Variants in NSUN3 observed in about 807,000 individuals in gnomAD.
The protein encoded by NSUN3 is NOP2/Sun RNA methyltransferase 3.
In NSUN3, 24 loss-of-function variants were observed where a neutral mutation model predicts 36.8. The observed-to-expected ratio is 0.65, with a 90% CI of 0.47 to 0.92. The LOEUF (loss-of-function observed/expected upper bound fraction) is 0.92. NSUN3 is among the 40% of genes least tolerant of loss of function. The pLI is 0.00. For synonymous variants in NSUN3, 146 were observed against 145.2 expected, an observed-to-expected ratio of 1.01 and a Z score of -0.04; for missense variants, 381 against 392.8, an observed-to-expected ratio of 0.97 and a Z score of 0.25.
chr3:94,081,774 T>C (rs1422668399), intron 2 of NSUN3: 3 of 152,168 alleles, frequency 2.0e-5, no homozygotes, highest in Non-Finnish European at 4.4e-5. Context: ...GAGAAACATA[T>C]TGTGATCAGG....
intron 2 of NSUN3, among the ~76,000 whole-genome samples, chr3:94,070,385 C>T (rs1344415940): frequency 1.3e-5 from 2 of 152,040 alleles, no homozygotes; most frequent in Non-Finnish European, 2.9e-5. Context: ...CGCTTGAGTC[C>T]AGGAGGTCGA....
intron 3 of NSUN3, chr3:94,085,278 A>T (rs1560032715): frequency 6.6e-6 from 1 of 152,190 alleles, no homozygotes; most frequent in Non-Finnish European, 1.5e-5. Context: ...TATTTACAAA[A>T]TTTACAATTT....
chr3:94,085,074 T>C (rs2077286232), intron 3 of NSUN3: 1 of 152,308 alleles, frequency 6.6e-6, no homozygotes, highest in African/African-American at 2.4e-5. Context: ...ACGTTACAGT[T>C]ACATCACATT....
intron 2 of NSUN3, chr3:94,081,499 C>T (rs2077269033): frequency 6.6e-6 from 1 of 152,180 alleles, no homozygotes; most frequent in Non-Finnish European, 1.5e-5. Flanking sequence ...CTGCCATGAT[C>T]CACATCAGAC....
intron 2 of NSUN3, chr3:94,076,331 A>G (rs769247720): frequency 9.5e-6 from 8 of 841,142 alleles, no homozygotes; most frequent in African/African-American, 8.3e-5. Flanking sequence ...TGAACTCACT[A>G]TAAGGATTGA....
chr3:94,068,197 T>C (rs1341952468), intron 2 of NSUN3, among the ~76,000 whole-genome samples: 1 of 152,174 alleles, frequency 6.6e-6, no homozygotes, highest in East Asian at 1.9e-4. Context: ...ATAAAATGAA[T>C]TTGTGTATAT....
At chr3:94,074,847 T>C (rs1386765478) in intron 2 of NSUN3, among the ~76,000 whole-genome samples, 4 of 152,300 alleles carry the variant, frequency 2.6e-5, no homozygotes, top group African/African-American at 4.8e-5. Context: ...CTGTGTTGAA[T>C]AGGAGTAGTG....
At chr3:94,122,165 A>C (rs971484486) in intron 5 of NSUN3, among the ~76,000 whole-genome samples, 8 of 151,978 alleles carry the variant, frequency 5.3e-5, no homozygotes, top group Non-Finnish European at 1.2e-4. Context: ...AAAAAAAAAA[A>C]AAAAAACAAT....
chr3:94,129,685 T>C lies in NSUN3; in HGVS notation c.*3195T>C, dbSNP rs1235142220. 1.3e-5 allele frequency among the ~76,000 whole-genome samples: 2 copies of C among 151,504 alleles called. No homozygotes were observed. The highest frequency in any genetic ancestry group is 2.9e-5 in the Non-Finnish European group (2 of 67,900). The stretch of plus-strand genomic sequence containing the variant: ...TTAATGAGAAGATAAACCATAATTA[T>C]AATGAAATAGGTAATATTGAGCATT... On this transcript the variant is annotated 3_prime_UTR_variant, in exon 6 of 6. Transcript: ENST00000314622.
chr3:94,070,581 C>T (rs1044926259), intron 2 of NSUN3, among the ~76,000 whole-genome samples: 5 of 152,328 alleles, frequency 3.3e-5, no homozygotes, highest in South Asian at 2.1e-4. Context: ...TCAGTTTTCA[C>T]ATCCTCAACT....
rs777278137 is a variant in NSUN3, at chr3:94,100,769, G to T, written c.743+5615G>T. Among the ~76,000 whole-genome samples, 91 of 151,962 alleles carry T rather than the reference G, an allele frequency of 6.0e-4. 1 individual carries two copies. Among genetic ancestry groups the T allele is most frequent in the Non-Finnish European group, 1.9e-4 (13 of 67,982 alleles). On this transcript the variant is annotated intron_variant, in intron 5 of 5. Coordinates refer to ENST00000314622, the MANE Select transcript of NSUN3 (RefSeq NM_022072.5). Reference sequence around the variant, plus strand: ...TTATTATTTTTCAGTTTTTAAAAAGGTATTTATGCCCTTTATGACTGCGTG... The same window carrying T: ...TTATTATTTTTCAGTTTTTAAAAAGTTATTTATGCCCTTTATGACTGCGTG...
At chr3:94,081,609 A>T (rs1469786612) in intron 2 of NSUN3, 1 of 152,204 alleles carries the variant, frequency 6.6e-6, no homozygotes, top group Non-Finnish European at 1.5e-5. Context: ...CTTCCTACAG[A>T]TAATTTCTTC....
intron 2 of NSUN3, among the ~76,000 whole-genome samples, chr3:94,077,388 CT>C (rs946020742): frequency 6.6e-6 from 1 of 152,104 alleles, no homozygotes; most frequent in East Asian, 1.9e-4. Flanking sequence ...GGATATTGGC[CT>C]GAAATTTAAT....
At chr3:94,066,836 T>A (rs2077205909) in intron 2 of NSUN3, among the ~76,000 whole-genome samples, 1 of 152,192 alleles carries the variant, frequency 6.6e-6, no homozygotes, top group Non-Finnish European at 1.5e-5. Context: ...ATATTTTATC[T>A]CAATTAAGTG....
intron 3 of NSUN3, among the ~76,000 whole-genome samples, chr3:94,091,024 A>G (rs553365679): frequency 2.0e-5 from 3 of 152,164 alleles, no homozygotes; most frequent in Admixed American, 6.5e-5. Context: ...GTTCCTCTCA[A>G]TATTATAATT....
chr3:94,078,634 A>G (rs927327493), intron 2 of NSUN3, among the ~76,000 whole-genome samples: 1 of 152,174 alleles, frequency 6.6e-6, no homozygotes, highest in Non-Finnish European at 1.5e-5. Context: ...TGTTGGGTGC[A>G]TATATATTTA....
chr3:94,088,670 C>CTT (rs747748539), intron 3 of NSUN3, among the ~76,000 whole-genome samples: 24 of 132,448 alleles, frequency 1.8e-4, no homozygotes, highest in East Asian at 6.4e-4. Context: ...GGGACAGATC[C>CTT]TTTTTTTTTT....
At chr3:94,076,885 T>G in intron 2 of NSUN3, 1 of 1,468,182 alleles carries the variant, frequency 6.8e-7, no homozygotes, top group Non-Finnish European at 9.5e-7. Flanking sequence ...TGTCGTAGTG[T>G]GATGCATCAA....
intron 5 of NSUN3, among the ~76,000 whole-genome samples, chr3:94,121,622 G>T (rs2077462404): frequency 6.6e-6 from 1 of 152,106 alleles, no homozygotes; most frequent in Non-Finnish European, 1.5e-5. Context: ...TTAGAGGGCA[G>T]TGAATAGTGA....
Sources: allele counts gnomAD v4.1 joint callset (sites outside exome capture counted in the v4.1 genomes callset), GRCh38; gene constraint gnomAD v4.1.1; transcripts MANE v1.5; gene names NCBI Gene and HGNC (gene_info 2026-07-23, HGNC 2026-07-21).